The following THUMPD2 variants were observed in gnomAD, a reference collection of about 807,000 sequenced individuals.
THUMPD2 encodes the protein U6 snRNA (guanine-N(2))-methyltransferase THUMPD2.
THUMPD2 carries 56 observed loss-of-function variants against 49.4 expected under a neutral mutation model. The ratio of observed to expected loss-of-function variants is 1.13; its 90% CI spans 0.91 to 1.41. The LOEUF is 1.41. Ranked by LOEUF, THUMPD2 falls within the 40% of genes most tolerant of loss-of-function variation. The pLI is 0.00. For missense variants in THUMPD2, 709 were observed against 594.5 expected, an observed-to-expected ratio of 1.19 and a Z score of -2.00; for synonymous variants, 237 against 205.2, an observed-to-expected ratio of 1.15 and a Z score of -1.32.
chr2:39,763,702 T>C (rs959735326), intron 5 of THUMPD2, among the ~76,000 whole-genome samples: 1 of 152,202 alleles, frequency 6.6e-6, no homozygotes, highest in Non-Finnish European at 1.5e-5. Flanking sequence ...GGTAATTTTT[T>C]TGAAATCACA....
chr2:39,770,560 A>G (rs1237653838), intron 2 of THUMPD2, among the ~76,000 whole-genome samples: 2 of 152,154 alleles, frequency 1.3e-5, no homozygotes, highest in Admixed American at 1.3e-4. Flanking sequence ...GTTACATTTT[A>G]GCCCACACCA....
chr2:39,749,530 A>G (rs1482198145), intron 8 of THUMPD2, among the ~76,000 whole-genome samples: 3 of 152,172 alleles, frequency 2.0e-5, no homozygotes, highest in Admixed American at 6.5e-5. Context: ...TTTTAAATGC[A>G]TTTTCTTCAG....
intron 6 of THUMPD2, among the ~76,000 whole-genome samples, chr2:39,759,179 G>C (rs78403568): frequency 2.2e-3 from 330 of 152,084 alleles, no homozygotes; most frequent in Non-Finnish European, 3.8e-3. Context: ...AGGAAAAAGA[G>C]AGTAGTTTAA....
At chr2:39,774,399 C>G (rs1489710414) in intron 1 of THUMPD2, among the ~76,000 whole-genome samples, 1 of 152,176 alleles carries the variant, frequency 6.6e-6, no homozygotes, top group Non-Finnish European at 1.5e-5. Context: ...CAGAAATATG[C>G]TATAGGAACT....
rs1370967834 is a variant in THUMPD2, at chr2:39,779,214, C to A, written c.26G>T (p.Gly9Val). Residue 9 changes from glycine to valine, a missense_variant, in exon 1 of 10, where the codon GGG becomes GTG. Coordinates refer to ENST00000505747, the MANE Select transcript of THUMPD2 (RefSeq NM_025264.5). Reference sequence around the variant, plus strand: ...TCGGGCGCCAGCCTCAGGCCCGGACCCTGGCTCTCCACGCGCCTCCGACAT... The same window carrying A: ...TCGGGCGCCAGCCTCAGGCCCGGACACTGGCTCTCCACGCGCCTCCGACAT... MSEARGEP[G>V]SGPEAGARFF... The A allele has an allele frequency of 1.3e-5, 19 of 1,503,142 alleles. No homozygotes were observed. Among genetic ancestry groups the A allele is most frequent in the Non-Finnish European group, 1.6e-5 (18 of 1,132,126 alleles). 93.1% of individuals were successfully genotyped at this position (1,503,142 alleles called of 1,614,324 possible).
rs956864997 is a variant in THUMPD2 at position 39,738,318 on chromosome 2, T to G, written c.1188-1259A>C. Among the ~76,000 whole-genome samples, 7 of 152,228 alleles carry G rather than the reference T, an allele frequency of 4.6e-5. 1 individual carries two copies. The South Asian group carries it at 1.5e-3, about 32-fold the overall frequency. On this transcript the variant is annotated intron_variant, in intron 9 of 9. Transcript: ENST00000505747. The stretch of plus-strand genomic sequence containing the variant: ...TGGCTCACACCTGTAATCCCAACAT[T>G]TTGGGAGGCTCAGGTGGGAGGATCG...
Position 39,736,631 on chromosome 2 carries a change from G to A in THUMPD2, c.*104C>T. 2 of 1,058,004 alleles carry A rather than the reference G, an allele frequency of 1.9e-6. No individual in the cohort carries two copies. The highest frequency in any genetic ancestry group is 1.7e-5 in the South Asian group (1 of 58,468). 65.5% of individuals were successfully genotyped at this position (1,058,004 alleles called of 1,614,324 possible). ...CACCTCCTGTCTTTGGGGGAATTTG[G>A]TTACTTGGAGCTCTGTGGGTGCTAT... On this transcript the variant is annotated 3_prime_UTR_variant, in exon 10 of 10. Transcript: ENST00000505747.
chr2:39,755,782 A>T, intron 7 of THUMPD2, 107 bp downstream of exon 7: 1 of 899,940 alleles, frequency 1.1e-6, no homozygotes, highest in Non-Finnish European at 1.7e-6. Context: ...TCATATAATT[A>T]AAAATAATCC....
Position 39,755,935 on chromosome 2 carries a change from A to G in THUMPD2, c.917T>C (p.Met306Thr), listed in dbSNP as rs1676057274. 6.2e-7 allele frequency: 1 copy of G among 1,613,884 alleles called. No individual in the cohort carries two copies. Among genetic ancestry groups the G allele is most frequent in the Non-Finnish European group, 8.5e-7 (1 of 1,179,864 alleles). The change falls in exon 7 of 10, where the codon ATG (methionine) becomes ACG (threonine). Residue 306 changes from methionine (M) to threonine (T), a missense_variant. Met to Thr is a moderately conservative substitution (Grantham distance 81, BLOSUM62 -1). Transcript: ENST00000505747. ...CAAAAGTATTGTTCCAAGTCCACAC[A>G]TTGGATCTAAAACAAATGCACCAGC... ...IKAGAFVLDP[M>T]CGLGTILLEA...
rs773852038 is a variant in THUMPD2 at position 39,757,307 on chromosome 2, T to C, written c.892-1347A>G. 9.8e-6 allele frequency: 10 copies of C among 1,024,948 alleles called. No homozygotes were observed. The South Asian group carries it at 1.3e-4, about 14-fold the overall frequency. The allele number at this position is 1,024,948 out of a possible 1,614,324, so 63.5% of individuals were successfully genotyped here. On this transcript the variant is annotated intron_variant, in intron 6 of 9. Transcript: ENST00000505747. ...GAGAAAAGACATCCACCACTTGATATGTCTACAGAGGAAGCAGAGTCCTCA... is the reference window on the plus strand; with the variant it reads ...GAGAAAAGACATCCACCACTTGATACGTCTACAGAGGAAGCAGAGTCCTCA...
At chr2:39,764,061 C>G (rs6746083) in intron 5 of THUMPD2, among the ~76,000 whole-genome samples, 1 of 152,234 alleles carries the variant, frequency 6.6e-6, no homozygotes, top group Admixed American at 6.5e-5. Context: ...CTTCTCCATG[C>G]GGCATACACT....
intron 6 of THUMPD2, among the ~76,000 whole-genome samples, chr2:39,756,295 G>A (rs1360527397): frequency 7.9e-5 from 12 of 151,878 alleles, no homozygotes; most frequent in Admixed American, 6.6e-4. Context: ...CATAGATTCT[G>A]GTATGCTGGT....
rs142194794 is a variant in THUMPD2, at chr2:39,736,770, A to G, written c.1477T>C (p.Cys493Arg). ...VSLGKTDAFI[C>R]KYKKSHSSGL ...GAAGAGTGCGACTTCTTATATTTAC[A>G]TATGAACGCATCTGTCTTTCCAAGG... Residue 493 changes from cysteine (C) to arginine (R), a missense_variant, in exon 10 of 10, where the codon TGT becomes CGT. Cys to Arg is a radical substitution (Grantham distance 180, BLOSUM62 -3). Coordinates refer to ENST00000505747, the MANE Select transcript of THUMPD2 (RefSeq NM_025264.5). The G allele has an allele frequency of 1.2e-6, 2 of 1,613,974 alleles. No homozygotes were observed. The highest frequency in any genetic ancestry group is 2.7e-5 in the African/African-American group (2 of 74,918).
chr2:39,763,739 C>T (rs1677136198), intron 5 of THUMPD2, among the ~76,000 whole-genome samples: 1 of 152,136 alleles, frequency 6.6e-6, no homozygotes, highest in East Asian at 1.9e-4. Context: ...TCTTCTGCTT[C>T]AAATTCTTAT....
At chr2:39,758,608 C>G (rs1301681658) in intron 6 of THUMPD2, among the ~76,000 whole-genome samples, 2 of 152,124 alleles carry the variant, frequency 1.3e-5, no homozygotes, top group African/African-American at 4.8e-5. Context: ...GAAGCTTCCT[C>G]CAGGTATCTC....
chr2:39,741,420 C>A (rs944705257), intron 9 of THUMPD2, among the ~76,000 whole-genome samples: 1 of 152,192 alleles, frequency 6.6e-6, no homozygotes, highest in African/African-American at 2.4e-5. Context: ...CTTTTCAATT[C>A]TGTCTTCACT....
intron 8 of THUMPD2, among the ~76,000 whole-genome samples, chr2:39,745,651 CG>C (rs1674481618): frequency 6.6e-6 from 1 of 152,160 alleles, no homozygotes; most frequent in Admixed American, 6.5e-5. Context: ...ACAGTACCTA[CG>C]TATGAGTTAG....
chr2:39,755,276 T>G lies in THUMPD2; in HGVS notation c.1078+19A>C. 1 of 1,400,402 alleles carries G rather than the reference T, an allele frequency of 7.1e-7. No homozygotes were observed. Among genetic ancestry groups the G allele is most frequent in the Non-Finnish European group, 9.7e-7 (1 of 1,027,260 alleles). The allele number at this position is 1,400,402 out of a possible 1,614,324, so 86.7% of individuals were successfully genotyped here. On this transcript the variant is annotated intron_variant, in intron 8 of 9. Transcript: ENST00000505747. ...ACATTGTTCCTTTTCTCAATTGTTTTGCATTTTTAGTATCTTACCTATAAC... is the reference window on the plus strand; with the variant it reads ...ACATTGTTCCTTTTCTCAATTGTTTGGCATTTTTAGTATCTTACCTATAAC...
chr2:39,740,110 C>T (rs1395738195), intron 9 of THUMPD2, among the ~76,000 whole-genome samples: 1 of 152,128 alleles, frequency 6.6e-6, no homozygotes, highest in East Asian at 1.9e-4. Context: ...TCTAAGTATG[C>T]TCTATAACAC....
Sources: gnomAD v4.1 joint callset for allele counts (sites outside exome capture counted in the v4.1 genomes callset) on GRCh38, gnomAD v4.1.1 for gene constraint, MANE v1.5 for transcripts, NCBI Gene and HGNC (gene_info 2026-07-23, HGNC 2026-07-21) for gene names.